NOP58: variants seen among roughly 807,000 people sequenced by gnomAD.
NOP58 encodes NOP58 ribonucleoprotein.
In NOP58, 44 loss-of-function variants were observed where a neutral mutation model predicts 71.2. The ratio of observed to expected loss-of-function variants is 0.62; its 90% confidence interval spans 0.49 to 0.79. NOP58 has a LOEUF of 0.79. Among genes scored for constraint, NOP58 ranks in the 30% least tolerant of loss-of-function variants. NOP58 has a pLI of 0.00. For missense variants in NOP58, 538 were observed against 620.2 expected (o/e 0.87, Z 1.41); for synonymous variants, 228 against 200.3 (o/e 1.14, Z -1.17).
intron 5 of NOP58, chr2:202,284,706 G>T (rs748882345): frequency 1.3e-5 from 6 of 449,596 alleles, no homozygotes; most frequent in Non-Finnish European, 2.3e-5. Context: ...CTATTGTCTG[G>T]ATTCTTAAAA....
chr2:202,283,312 C>T (rs1409233997), intron 4 of NOP58, among the ~76,000 whole-genome samples: 1 of 152,116 alleles, frequency 6.6e-6, no homozygotes, highest in Non-Finnish European at 1.5e-5. Context: ...TCACTGCAAC[C>T]TCTGCCTCCC....
chr2:202,297,277 T>C (rs1426940999), intron 10 of NOP58, 102 bp from the exon 11 acceptor site: 20 of 1,061,716 alleles, frequency 1.9e-5, no homozygotes, highest in Non-Finnish European at 1.9e-5. Context: ...ATTTGAATTG[T>C]ATGATTCATA....
intron 12 of NOP58, 151 bp from the exon 13 acceptor site, chr2:202,300,083 T>C: frequency 1.6e-6 from 1 of 628,348 alleles, no homozygotes. Context: ...TGGAAACTAT[T>C]AGTCTTCATA....
chr2:202,266,195 G>A lies in NOP58; in HGVS notation c.45+209G>A, dbSNP rs1688412582. Among the ~76,000 whole-genome samples the A allele has an allele frequency of 2.0e-5, 3 of 152,114 alleles. No homozygotes were observed. The East Asian group carries it at 5.8e-4, about 29-fold the overall frequency. On this transcript the variant is annotated intron_variant, in intron 1 of 14. Transcript: ENST00000264279. ...TGGGGAGACCCGTTCTGCATTAGAG[G>A]ATTTTATTTCCTCCCGTTGAAGGGG... is the stretch of plus-strand genomic sequence containing the variant.
intron 1 of NOP58, among the ~76,000 whole-genome samples, chr2:202,272,731 G>T (rs2105837668): frequency 6.6e-6 from 1 of 152,272 alleles, no homozygotes; most frequent in African/African-American, 2.4e-5. Flanking sequence ...ATTTTTAAGA[G>T]GACATGTATC....
At chr2:202,271,720 A>C (rs538896417) in intron 1 of NOP58, among the ~76,000 whole-genome samples, 1 of 152,304 alleles carries the variant, frequency 6.6e-6, no homozygotes, top group East Asian at 1.9e-4. Flanking sequence ...AGGCAAGAGG[A>C]TCACTTGAGT....
At chr2:202,291,001 A>G (rs1252242452) in intron 7 of NOP58, 124 bp from the exon 8 acceptor site, 11 of 825,440 alleles carry the variant, frequency 1.3e-5, no homozygotes, top group Non-Finnish European at 1.5e-5. Context: ...AAACTTCTTC[A>G]TTTTTTTTGT....
chr2:202,285,850 C>G (rs184903579), intron 5 of NOP58, among the ~76,000 whole-genome samples: 20 of 152,172 alleles, frequency 1.3e-4, no homozygotes, highest in Admixed American at 9.8e-4. Flanking sequence ...AAATAGTAAT[C>G]CTAATAAAAT....
In NOP58 at chr2:202,282,385, G is replaced by C; in HGVS notation, c.210G>C (p.Lys70Asn). 6.2e-7 allele frequency: 1 copy of C among 1,612,764 alleles called. No homozygotes were observed. The change falls in exon 4 of 15, where the codon AAG becomes AAC. Residue 70 changes from lysine to asparagine, a missense_variant. Physicochemically the swap from Lys to Asn is moderately conservative, Grantham distance 94. Coordinates refer to ENST00000264279, the MANE Select transcript of NOP58 (RefSeq NM_015934.5). ...CTCTGATGGAGGGCAAAATCAATAAGCAGCTGAAAAAAGTTCTGAAGAAAA... is the reference window on the plus strand; with the variant it reads ...CTCTGATGGAGGGCAAAATCAATAACCAGCTGAAAAAAGTTCTGAAGAAAA... ...FTALMEGKINKQLKKVLKKIV... is the reference protein window; with the variant it reads ...FTALMEGKINNQLKKVLKKIV...
chr2:202,277,906 A>C, intron 2 of NOP58, 44 bp from the exon 3 acceptor site: 1 of 1,026,482 alleles, frequency 9.7e-7, no homozygotes. Context: ...GAATCAACGC[A>C]CTGCCCCCAA....
intron 1 of NOP58, among the ~76,000 whole-genome samples, chr2:202,270,541 T>C (rs1256155782): frequency 1.3e-5 from 2 of 152,156 alleles, no homozygotes; most frequent in African/African-American, 2.4e-5. Flanking sequence ...CCTAACACTT[T>C]GGGAGGGTGA....
rs1487086161 is a variant in NOP58 at position 202,267,886 on chromosome 2, A to G, written c.45+1900A>G. ...GTATTCCGTTGGAGTTTGCAGTGCT[A>G]TTTATCTGCAAGTTACTGTTCAAAA... On this transcript the variant is annotated intron_variant, in intron 1 of 14. Transcript: ENST00000264279. 2.0e-5 allele frequency among the ~76,000 whole-genome samples: 3 copies of G among 152,208 alleles called. 1 individual carries two copies. Among genetic ancestry groups the G allele is most frequent in the Non-Finnish European group, 2.9e-5 (2 of 68,036 alleles).
chr2:202,297,755 T>G (rs1689017261), intron 11 of NOP58, 90 bp from the exon 12 acceptor site: 7 of 846,434 alleles, frequency 8.3e-6, no homozygotes, highest in Non-Finnish European at 1.3e-5. Flanking sequence ...AATTGCTGTT[T>G]GCTGGCCCAC....
intron 8 of NOP58, 61 bp downstream of exon 8, chr2:202,291,331 C>A: frequency 7.7e-7 from 1 of 1,304,762 alleles, no homozygotes; most frequent in South Asian, 1.5e-5. Context: ...ACTAATTTTT[C>A]TGATGGCAAT....
intron 7 of NOP58, 84 bp from the exon 8 acceptor site, chr2:202,291,041 C>T: frequency 1.6e-6 from 2 of 1,260,214 alleles, no homozygotes; most frequent in Non-Finnish European, 2.1e-6. Context: ...CATTGGCTTT[C>T]TACTTTTTCT....
At chr2:202,277,407 G>C (rs1246674600) in intron 2 of NOP58, among the ~76,000 whole-genome samples, 2 of 151,858 alleles carry the variant, frequency 1.3e-5, no homozygotes, top group Non-Finnish European at 2.9e-5. Context: ...GAATCCGGGA[G>C]GCAGAGGTTG....
intron 1 of NOP58, among the ~76,000 whole-genome samples, chr2:202,273,755 C>T (rs1027185263): frequency 5.3e-5 from 8 of 152,102 alleles, no homozygotes; most frequent in African/African-American, 1.2e-4. Context: ...CCAGCCTGGC[C>T]AACTTGGTGA....
chr2:202,268,396 G>A (rs930403781), intron 1 of NOP58, among the ~76,000 whole-genome samples: 1 of 151,582 alleles, frequency 6.6e-6, no homozygotes, highest in Non-Finnish European at 1.5e-5. Flanking sequence ...TTAGCTGGGC[G>A]TGGTGGTGTG....
At chr2:202,280,315 C>G (rs987570922) in intron 3 of NOP58, among the ~76,000 whole-genome samples, 1 of 152,044 alleles carries the variant, frequency 6.6e-6, no homozygotes, top group African/African-American at 2.4e-5. Context: ...GCAAGACCCC[C>G]TCTCAAAAAA....
Sources: allele counts gnomAD v4.1 joint callset (sites outside exome capture counted in the v4.1 genomes callset), GRCh38; gene constraint gnomAD v4.1.1; transcripts MANE v1.5; gene names NCBI Gene and HGNC (gene_info 2026-07-23, HGNC 2026-07-21).